ATRX: variants seen among roughly 807,000 people sequenced by gnomAD.
The protein encoded by ATRX is chromatin remodeler ATRX.
ATRX carries 12 observed loss-of-function variants against 172.6 expected under a neutral mutation model. The observed-to-expected ratio is 0.07, with a 90% CI of 0.04 to 0.11. The LOEUF (loss-of-function observed/expected upper bound fraction) is 0.11. Among genes scored for constraint, ATRX ranks in the 10% least tolerant of loss-of-function variants. ATRX has a pLI of 1.00. For missense variants in ATRX, 1,368 were observed against 1,767.4 expected (o/e 0.77, Z 4.05); for synonymous variants, 674 against 594.7 (o/e 1.13, Z -1.94).
chrX:77,711,448 T>A (rs182934303), intron 2 of ATRX, among the ~76,000 whole-genome samples: 1 of 112,271 alleles, frequency 8.9e-6, no homozygotes, highest in Admixed American at 9.4e-5. Context: ...ACTGTCTAAG[T>A]AGAAAATCCC....
intron 22 of ATRX, chrX:77,600,771 G>T: frequency 2.9e-6 from 1 of 347,264 alleles, no homozygotes; most frequent in Non-Finnish European, 5.0e-6. Flanking sequence ...AAATATTAAA[G>T]AATTTGTACT....
At chrX:77,599,154 G>A (rs1557085515) in intron 25 of ATRX, among the ~76,000 whole-genome samples, 1 of 111,835 alleles carries the variant, frequency 8.9e-6, no homozygotes. Context: ...AAATAATAGA[G>A]TTTAGGTATA....
intron 27 of ATRX, among the ~76,000 whole-genome samples, chrX:77,581,790 T>C (rs1180404029): frequency 8.9e-6 from 1 of 112,290 alleles, no homozygotes; most frequent in East Asian, 2.8e-4. Context: ...AAAACAAGTC[T>C]TAAAACATCA....
Position 77,738,326 on chromosome X carries a change from C to A in ATRX, c.21-21083G>T, listed in dbSNP as rs782314384. On this transcript the variant is annotated intron_variant, in intron 1 of 34. Coordinates refer to ENST00000373344, the MANE Select transcript of ATRX (RefSeq NM_000489.6). ...CTCCAGCCTAGGCGATACAGTGACA[C>A]CCTGTCTCCAAAAAAAAAAAAAACA... Among the ~76,000 whole-genome samples the A allele has an allele frequency of 2.9e-5, 3 of 104,000 alleles. No individual in the cohort carries two copies. The South Asian group carries it at 1.3e-3, about 47-fold the overall frequency. 90.3% of individuals were successfully genotyped at this position (104,000 alleles called of 115,157 possible). A position where few individuals can be genotyped will look rare whatever the true frequency, so the allele number is the denominator to read the frequency against.
chrX:77,693,735 G>GT, intron 6 of ATRX, 89 bp downstream of exon 6: 1 of 682,870 alleles, frequency 1.5e-6, no homozygotes, highest in South Asian at 2.2e-5. Flanking sequence ...AGGCAGAAAA[G>GT]TGGAGGTATT....
At chrX:77,563,080 C>G (rs2065073737) in intron 28 of ATRX, among the ~76,000 whole-genome samples, 1 of 112,383 alleles carries the variant, frequency 8.9e-6, no homozygotes, top group South Asian at 3.6e-4. Flanking sequence ...CTTTCACAGA[C>G]AAAAGTTTTT....
In ATRX at chrX:77,652,312, CTCCTCCTCTTCTTTT is replaced by C. The variant is rs1557117436; in HGVS notation, c.4344_4358del (p.Lys1449_Glu1453del). 2.5e-6 allele frequency: 3 copies of C among 1,207,114 alleles called. No individual in the cohort carries two copies. The highest frequency in any genetic ancestry group is 2.2e-5 in the Admixed American group (1 of 45,909). On this transcript the variant is annotated inframe_deletion, in exon 15 of 35. Transcript: ENST00000373344. ...CCTCTTCCTCCTCCTCCTCCTCTTC[CTCCTCCTCTTCTTTT>C]TCCTCCTCTTCTTCCTCAGAATTAC...
At chrX:77,765,213 T>C (rs1248635481) in intron 1 of ATRX, among the ~76,000 whole-genome samples, 1 of 111,834 alleles carries the variant, frequency 8.9e-6, no homozygotes, top group Non-Finnish European at 1.9e-5. Context: ...ACTATGTCAA[T>C]GACAAATTGC....
chrX:77,738,866 T>C (rs1403829900), intron 1 of ATRX, among the ~76,000 whole-genome samples: 4 of 111,770 alleles, frequency 3.6e-5, no homozygotes, highest in Non-Finnish European at 5.6e-5. Flanking sequence ...AAACTAACAA[T>C]ATTTAAATGG....
intron 30 of ATRX, among the ~76,000 whole-genome samples, chrX:77,531,187 C>T (rs1336657862): frequency 5.4e-5 from 6 of 111,677 alleles, no homozygotes; most frequent in African/African-American, 2.0e-4. Flanking sequence ...GATTCATAGC[C>T]GAATTCTACC....
chrX:77,644,184 C>T (rs2068796288), intron 15 of ATRX, among the ~76,000 whole-genome samples: 1 of 112,506 alleles, frequency 8.9e-6, no homozygotes, highest in African/African-American at 3.2e-5. Context: ...CCAGGTGATC[C>T]GCCTGCCTTG....
rs782504875 is a variant in ATRX at position 77,585,882 on chromosome X, G to C, written c.6217+3952C>G. ...GGAGGTCATTAAGTGAAATAAGCTA[G>C]GCAGAGAAAGACAAACTTTGCATGT... On this transcript the variant is annotated intron_variant, in intron 27 of 34. Coordinates refer to ENST00000373344, the MANE Select transcript of ATRX (RefSeq NM_000489.6). 7.2e-5 allele frequency among the ~76,000 whole-genome samples: 8 copies of C among 110,777 alleles called. No individual in the cohort carries two copies. The South Asian group carries it at 3.0e-3, about 42-fold the overall frequency.
intron 22 of ATRX, among the ~76,000 whole-genome samples, chrX:77,602,995 C>A (rs2066738879): frequency 1.8e-5 from 2 of 109,404 alleles, no homozygotes; most frequent in Non-Finnish European, 1.9e-5. Context: ...GCCAACAAAC[C>A]CTTAGCCTAT....
chrX:77,556,311 A>G (rs1223387049), intron 30 of ATRX, among the ~76,000 whole-genome samples: 86 of 20,455 alleles, frequency 4.2e-3, no homozygotes, highest in African/African-American at 8.2e-3. Context: ...GAGAGAGGGG[A>G]AGAGGGAGAG....
Position 77,505,098 on chromosome X carries a change from T to C in ATRX, c.*3253A>G. 1 of 170,626 alleles carries C rather than the reference T, an allele frequency of 5.9e-6. No individual in the cohort carries two copies. The highest frequency in any genetic ancestry group is 1.1e-5 in the Non-Finnish European group (1 of 88,574). 14.1% of individuals were successfully genotyped at this position (170,626 alleles called of 1,213,427 possible). On this transcript the variant is annotated 3_prime_UTR_variant, in exon 35 of 35. Transcript: ENST00000373344. ...GAGTCTGGTGAAATAAAGTAGTAAA[T>C]ACCCTGAACATAATTTTTAGTATAA...
In ATRX at chrX:77,651,217, CAA is replaced by C. The variant is rs1170232589; in HGVS notation, c.4557+895_4557+896del. On this transcript the variant is annotated intron_variant, in intron 15 of 34. Coordinates refer to ENST00000373344, the MANE Select transcript of ATRX (RefSeq NM_000489.6). The stretch of plus-strand genomic sequence containing the variant: ...GGGTGACAAGAGTGAAACTCCATCT[CAA>C]AAAAAAAAAAAAAAAAAAAAAAAAA... 4.2e-4 allele frequency among the ~76,000 whole-genome samples: 7 copies of C among 16,480 alleles called. No individual in the cohort carries two copies. In the East Asian group the frequency reaches 0.018, roughly 43 times the overall value. 14.3% of individuals were successfully genotyped at this position (16,480 alleles called of 115,157 possible).
At chrX:77,664,412 A>G (rs781952012) in intron 11 of ATRX, among the ~76,000 whole-genome samples, 2 of 110,263 alleles carry the variant, frequency 1.8e-5, no homozygotes, top group African/African-American at 6.6e-5. Flanking sequence ...GGCACGCACT[A>G]TCACGCCCAG....
intron 30 of ATRX, among the ~76,000 whole-genome samples, chrX:77,540,757 T>G (rs984045818): frequency 8.9e-6 from 1 of 111,881 alleles, no homozygotes; most frequent in Admixed American, 9.5e-5. Flanking sequence ...AAAGAAGTTC[T>G]TTGAAACCAA....
intron 27 of ATRX, among the ~76,000 whole-genome samples, chrX:77,581,551 C>T (rs782251318): frequency 9.0e-6 from 1 of 111,495 alleles, no homozygotes; most frequent in South Asian, 3.7e-4. Flanking sequence ...CCTGGGAGCA[C>T]CCACATATAC....
Sources: allele counts gnomAD v4.1 joint callset (sites outside exome capture counted in the v4.1 genomes callset), GRCh38; gene constraint gnomAD v4.1.1; transcripts MANE v1.5; gene names NCBI Gene and HGNC (gene_info 2026-07-23, HGNC 2026-07-21).